The following QRICH1 variants were observed in gnomAD, a reference collection of about 807,000 sequenced individuals.
The protein encoded by QRICH1 is glutamine rich 1.
In QRICH1, 16 loss-of-function variants were observed where a neutral mutation model predicts 87.1. The ratio of observed to expected loss-of-function variants is 0.18; its 90% CI spans 0.12 to 0.28. The LOEUF (loss-of-function observed/expected upper bound fraction) is 0.28, where lower values mean the gene tolerates loss of function less well. QRICH1 is among the 10% of genes least tolerant of loss of function. QRICH1 has a pLI of 1.00. For synonymous variants in QRICH1, 367 were observed against 368.4 expected (o/e 1.00, Z 0.05); for missense variants, 647 against 951.7 (o/e 0.68, Z 4.21).
chr3:49,036,189 A>G (rs145587781), intron 6 of QRICH1, among the ~76,000 whole-genome samples: 207 of 152,344 alleles, frequency 1.4e-3, no homozygotes, highest in Non-Finnish European at 2.7e-3. Context: ...AAACCTAGGT[A>G]TTAGCCTTAT....
intron 2 of QRICH1, 70 bp downstream of exon 2, chr3:49,076,639 C>A (rs2041957778): frequency 1.5e-6 from 2 of 1,334,192 alleles, no homozygotes; most frequent in South Asian, 3.8e-5. Flanking sequence ...ATGTGATGAG[C>A]CCACTAACTA....
intron 1 of QRICH1, among the ~76,000 whole-genome samples, chr3:49,090,458 C>CAA (rs11425427): frequency 0.059 from 5,629 of 95,826 alleles, 283 homozygotes; most frequent in Non-Finnish European, 0.085. Context: ...GACTACGTCT[C>CAA]AAAAAAAAAA....
intron 2 of QRICH1, among the ~76,000 whole-genome samples, chr3:49,059,264 C>T (rs1376202758): frequency 6.6e-6 from 1 of 151,586 alleles, no homozygotes; most frequent in Non-Finnish European, 1.5e-5. Context: ...CACAAGGGAC[C>T]GTTTTTTTCT....
intron 9 of QRICH1, 29 bp downstream of exon 9, chr3:49,032,154 A>G (rs755023234): frequency 2.6e-6 from 4 of 1,546,890 alleles, no homozygotes; most frequent in Non-Finnish European, 3.6e-6. Context: ...ATGCGCACAC[A>G]TGGACAGCAA....
chr3:49,086,331 A>G (rs576712517), intron 1 of QRICH1, among the ~76,000 whole-genome samples: 8 of 149,906 alleles, frequency 5.3e-5, no homozygotes, highest in Non-Finnish European at 7.4e-5. Context: ...ATCTCGGCTC[A>G]CTGTAAGCTC....
chr3:49,067,135 G>C (rs2093473248), intron 2 of QRICH1, among the ~76,000 whole-genome samples: 1 of 152,140 alleles, frequency 6.6e-6, no homozygotes, highest in Non-Finnish European at 1.5e-5. Context: ...AGAAATACTA[G>C]GGAGTTAGAA....
intron 2 of QRICH1, among the ~76,000 whole-genome samples, chr3:49,060,642 T>G (rs2093429406): frequency 6.6e-6 from 1 of 152,150 alleles, no homozygotes; most frequent in Non-Finnish European, 1.5e-5. Context: ...CAGCCTGATT[T>G]TTTGGGCAGA....
chr3:49,079,221 G>C (rs1000500141), intron 1 of QRICH1, among the ~76,000 whole-genome samples: 3 of 151,668 alleles, frequency 2.0e-5, no homozygotes, highest in Non-Finnish European at 4.4e-5. Flanking sequence ...GCGACAGAGC[G>C]TAACTCTGTC....
chr3:49,094,289 A>G (rs1204656329), upstream of QRICH1: 14 of 366,506 alleles, frequency 3.8e-5, no homozygotes, highest in Non-Finnish European at 6.8e-5. Context: ...TTGGCCTAGT[A>G]GTGGAGTCTC....
At chr3:49,072,134 C>T (rs2041844952) in intron 2 of QRICH1, among the ~76,000 whole-genome samples, 1 of 152,042 alleles carries the variant, frequency 6.6e-6, no homozygotes, top group African/African-American at 2.4e-5. Context: ...AGTTCAAGAC[C>T]ACCCTAGCCA....
At chr3:49,050,176 G>C (rs1268491812) in intron 3 of QRICH1, among the ~76,000 whole-genome samples, 1 of 149,784 alleles carries the variant, frequency 6.7e-6, no homozygotes, top group Non-Finnish European at 1.5e-5. Flanking sequence ...GTGAACCTGG[G>C]AGGCGGAGCT....
At chr3:49,058,536 A>G in intron 2 of QRICH1, among the ~76,000 whole-genome samples, 1 of 152,048 alleles carries the variant, frequency 6.6e-6, no homozygotes, top group Non-Finnish European at 1.5e-5. Context: ...ATGTTGGCCA[A>G]GCTAATCTTG....
chr3:49,061,668 C>T (rs1284000462), intron 2 of QRICH1, among the ~76,000 whole-genome samples: 2 of 151,988 alleles, frequency 1.3e-5, no homozygotes, highest in Non-Finnish European at 2.9e-5. Context: ...GCCTGACCGA[C>T]ATGGTGAAAC....
At chr3:49,032,349 G>A in intron 8 of QRICH1, 76 bp from the exon 9 acceptor site, 1 of 1,144,910 alleles carries the variant, frequency 8.7e-7, no homozygotes, top group South Asian at 1.3e-5. Flanking sequence ...AGGAAACTTA[G>A]GCTTTCAGCC....
At chr3:49,034,547 CAA>C (rs1192890497) in intron 6 of QRICH1, among the ~76,000 whole-genome samples, 3 of 152,102 alleles carry the variant, frequency 2.0e-5, no homozygotes. Context: ...CTCTTGGACT[CAA>C]AGACTCCTCC....
At chr3:49,035,958 C>T (rs919047174) in intron 6 of QRICH1, among the ~76,000 whole-genome samples, 14 of 151,390 alleles carry the variant, frequency 9.2e-5, no homozygotes, top group African/African-American at 2.4e-5. Flanking sequence ...GTGGTATGCA[C>T]CTGCAGTCCC....
At chr3:49,069,553 T>TC (rs1188858560) in intron 2 of QRICH1, among the ~76,000 whole-genome samples, 1 of 149,932 alleles carries the variant, frequency 6.7e-6, no homozygotes, top group Non-Finnish European at 1.5e-5. Flanking sequence ...ATTTTTTTTT[T>TC]TTTTTTTTTT....
chr3:49,087,086 A>T (rs913361593), intron 1 of QRICH1: 1 of 151,934 alleles, frequency 6.6e-6, no homozygotes, highest in African/African-American at 2.4e-5. Flanking sequence ...GTGAAATCCC[A>T]TCTCTACCAA....
Position 49,030,126 on chromosome 3 carries a change from TG to T in QRICH1, c.*325del. ...CATCCATCATTAATTCCATCTCTCT[TG>T]AAGATGGAAAGGGGCCACATTTCTT... On this transcript the variant is annotated 3_prime_UTR_variant, in exon 10 of 10. Transcript: ENST00000395443. 1 of 418,870 alleles carries T rather than the reference TG, an allele frequency of 2.4e-6. No homozygotes were observed. 25.9% of individuals were successfully genotyped at this position (418,870 alleles called of 1,614,324 possible). A position where few individuals can be genotyped will look rare whatever the true frequency, so the allele number is the denominator to read the frequency against.
Sources: allele counts gnomAD v4.1 joint callset (sites outside exome capture counted in the v4.1 genomes callset), GRCh38; gene constraint gnomAD v4.1.1; transcripts MANE v1.5; gene names NCBI Gene and HGNC (gene_info 2026-07-23, HGNC 2026-07-21).